Variants in TBC1D22A observed in about 807,000 individuals in gnomAD.
TBC1D22A encodes the protein TBC1 domain family member 22A.
In TBC1D22A, 38 loss-of-function variants were observed where a neutral mutation model predicts 60.2. The observed-to-expected ratio is 0.63, with a 90% confidence interval of 0.49 to 0.83. The LOEUF is 0.83. TBC1D22A is among the 40% of genes least tolerant of loss of function. The pLI is 0.00. For missense variants in TBC1D22A, 628 were observed against 701.0 expected (o/e 0.90, Z 1.18); for synonymous variants, 302 against 281.7 (o/e 1.07, Z -0.72).
rs185673681 is a variant in TBC1D22A at position 47,081,523 on chromosome 22, A to C, written c.1330-29985A>C. 5.1e-3 allele frequency among the ~76,000 whole-genome samples: 779 copies of C among 152,340 alleles called. 4 individuals are homozygous for C. The highest frequency in any genetic ancestry group is 7.8e-3 in the Non-Finnish European group (530 of 68,034). ...CAGTCACGAAAGTGAAATAAAAGACATGAGGATTGACAAGGAAAAAGCTCA... is the reference window on the plus strand; with the variant it reads ...CAGTCACGAAAGTGAAATAAAAGACCTGAGGATTGACAAGGAAAAAGCTCA... On this transcript the variant is annotated intron_variant, in intron 11 of 12. Coordinates refer to ENST00000337137, the MANE Select transcript of TBC1D22A (RefSeq NM_014346.5).
chr22:46,936,656 G>A (rs1427754698), intron 8 of TBC1D22A, among the ~76,000 whole-genome samples: 2 of 152,214 alleles, frequency 1.3e-5, no homozygotes, highest in East Asian at 3.8e-4. Flanking sequence ...AACCGCTCAG[G>A]CTCTGCAATG....
chr22:46,857,882 A>G lies in TBC1D22A; in HGVS notation c.638-20771A>G, dbSNP rs145482130. On this transcript the variant is annotated intron_variant, in intron 4 of 12. Transcript: ENST00000337137. The stretch of plus-strand genomic sequence containing the variant: ...GTGTTTTATTCATCCACTCTTAGTG[A>G]ATGGACATATGGGGTGTTTCCACTT... Among the ~76,000 whole-genome samples the G allele has an allele frequency of 5.3e-3, 812 of 152,282 alleles. 24 individuals are homozygous for G. Among genetic ancestry groups the G allele is most frequent in the Admixed American group, 0.047 (724 of 15,298 alleles).
chr22:47,089,354 G>T (rs551945781), intron 11 of TBC1D22A, among the ~76,000 whole-genome samples: 1 of 152,226 alleles, frequency 6.6e-6, no homozygotes, highest in African/African-American at 2.4e-5. Context: ...AGCGGGGGTC[G>T]GTAATAAATG....
chr22:47,085,207 G>A (rs2064629358), intron 11 of TBC1D22A, among the ~76,000 whole-genome samples: 1 of 152,226 alleles, frequency 6.6e-6, no homozygotes, highest in South Asian at 2.1e-4. Context: ...TTGAACCCAG[G>A]AGGCGGAGGT....
At chr22:47,158,258 C>T (rs755908726) in intron 12 of TBC1D22A, among the ~76,000 whole-genome samples, 2 of 152,218 alleles carry the variant, frequency 1.3e-5, no homozygotes, top group Non-Finnish European at 2.9e-5. Flanking sequence ...ATCAGCTCTA[C>T]GTGACCCAGA....
chr22:46,905,785 C>T (rs1012227575), intron 7 of TBC1D22A, among the ~76,000 whole-genome samples: 4 of 152,356 alleles, frequency 2.6e-5, no homozygotes, highest in South Asian at 2.1e-4. Context: ...AACCTGTGGG[C>T]GGGCAGGAAT....
intron 8 of TBC1D22A, among the ~76,000 whole-genome samples, chr22:46,955,872 G>C (rs2073159802): frequency 6.6e-6 from 1 of 152,200 alleles, no homozygotes; most frequent in Non-Finnish European, 1.5e-5. Context: ...AGAAGGTGAT[G>C]TGTGTGAAGG....
intron 9 of TBC1D22A, among the ~76,000 whole-genome samples, chr22:46,975,369 A>T (rs1385739027): frequency 6.6e-6 from 1 of 152,126 alleles, no homozygotes; most frequent in Non-Finnish European, 1.5e-5. Context: ...AATTTTGCTG[A>T]CAGAGCAGGA....
At chr22:47,126,107 G>T (rs570221021) in intron 12 of TBC1D22A, among the ~76,000 whole-genome samples, 1 of 151,984 alleles carries the variant, frequency 6.6e-6, no homozygotes, top group African/African-American at 2.4e-5. Context: ...TCAGCCTCCC[G>T]AGTAGCTGGG....
chr22:47,050,326 G>A (rs780001895), intron 11 of TBC1D22A, among the ~76,000 whole-genome samples: 23 of 152,182 alleles, frequency 1.5e-4, no homozygotes, highest in Non-Finnish European at 2.5e-4. Context: ...TTTCTTTACC[G>A]TCACCATCAC....
rs142292501 is a variant in TBC1D22A at position 47,059,702 on chromosome 22, A to G, written c.1329+22504A>G. Among the ~76,000 whole-genome samples the G allele has an allele frequency of 1.9e-3, 287 of 152,288 alleles. 4 individuals carry two copies. In the East Asian group the frequency reaches 0.046, roughly 25 times the overall value. On this transcript the variant is annotated intron_variant, in intron 11 of 12. Coordinates refer to ENST00000337137, the MANE Select transcript of TBC1D22A (RefSeq NM_014346.5). ...CTCTGTCATGAGCTAATTGGAATGAAATGCAGGTGCCGTTTCTGCCTGAGC... is the reference window on the plus strand; with the variant it reads ...CTCTGTCATGAGCTAATTGGAATGAGATGCAGGTGCCGTTTCTGCCTGAGC...
chr22:46,826,262 G>A (rs1267634714), intron 4 of TBC1D22A, among the ~76,000 whole-genome samples: 1 of 152,138 alleles, frequency 6.6e-6, no homozygotes, highest in African/African-American at 2.4e-5. Flanking sequence ...TACCAATGTG[G>A]GGTTCCATTG....
rs574421557 is a variant in TBC1D22A at position 47,160,433 on chromosome 22, G to A, written c.1426-13065G>A. Among the ~76,000 whole-genome samples, 504 of 152,284 alleles carry A rather than the reference G, an allele frequency of 3.3e-3. 2 individuals are homozygous for A. The highest frequency in any genetic ancestry group is 5.0e-3 in the Non-Finnish European group (342 of 68,030). On this transcript the variant is annotated intron_variant, in intron 12 of 12. Transcript: ENST00000337137. ...AGGGAACGTCCTGGTCCTGGTCAGCGGGTGGAGGTCTTCACAGGGCCGCCG... is the reference window on the plus strand; with the variant it reads ...AGGGAACGTCCTGGTCCTGGTCAGCAGGTGGAGGTCTTCACAGGGCCGCCG...
intron 9 of TBC1D22A, among the ~76,000 whole-genome samples, chr22:46,995,063 A>G (rs1466887361): frequency 6.6e-6 from 1 of 152,226 alleles, no homozygotes; most frequent in Non-Finnish European, 1.5e-5. Context: ...TCAGGGCCTA[A>G]AAGTCCTGCC....
rs568782738 is a variant in TBC1D22A, at chr22:46,893,088, G to C, written c.837+1694G>C. On this transcript the variant is annotated intron_variant, in intron 6 of 12. Coordinates refer to ENST00000337137, the MANE Select transcript of TBC1D22A (RefSeq NM_014346.5). ...CTGAGCCCGACCAGCCGTCTGACCC[G>C]CAGTGGGCAATGCCACCCCTGCACA... Among the ~76,000 whole-genome samples the C allele has an allele frequency of 3.5e-4, 53 of 152,338 alleles. No individual in the cohort carries two copies. In the South Asian group the frequency reaches 9.9e-3, roughly 29 times the overall value.
At chr22:46,820,824 G>T (rs60007781) in intron 4 of TBC1D22A, among the ~76,000 whole-genome samples, 6 of 152,136 alleles carry the variant, frequency 3.9e-5, no homozygotes, top group Non-Finnish European at 2.9e-5. Context: ...TGATAGTGGG[G>T]TGTTAAAGTC....
chr22:47,153,082 T>TG (rs1344352209), intron 12 of TBC1D22A, among the ~76,000 whole-genome samples: 3 of 152,234 alleles, frequency 2.0e-5, no homozygotes, highest in African/African-American at 7.2e-5. Context: ...TCTTCTCTGC[T>TG]GTCTGTGGCT....
chr22:47,047,090 C>T (rs192169042), intron 11 of TBC1D22A, among the ~76,000 whole-genome samples: 47 of 152,320 alleles, frequency 3.1e-4, no homozygotes, highest in African/African-American at 9.6e-4. Context: ...GGCTTGGTTT[C>T]GTTTGCTGTG....
intron 7 of TBC1D22A, among the ~76,000 whole-genome samples, chr22:46,896,451 A>C (rs2068682288): frequency 6.6e-6 from 1 of 151,726 alleles, no homozygotes; most frequent in South Asian, 2.1e-4. Flanking sequence ...GTTCACCCAG[A>C]TTTTCATCCA....
Sources: gnomAD v4.1 joint callset for allele counts (sites outside exome capture counted in the v4.1 genomes callset) on GRCh38, gnomAD v4.1.1 for gene constraint, MANE v1.5 for transcripts, NCBI Gene and HGNC (gene_info 2026-07-23, HGNC 2026-07-21) for gene names.